The following PARN variants were observed in gnomAD, a reference collection of about 807,000 sequenced individuals.
The protein encoded by PARN is poly(A)-specific ribonuclease, also known as poly(A)-specific ribonuclease PARN.
PARN carries 71 observed loss-of-function variants against 102.8 expected under a neutral mutation model. The ratio of observed to expected loss-of-function variants is 0.69; its 90% CI spans 0.57 to 0.84. PARN has a LOEUF of 0.84. PARN is among the 40% of genes least tolerant of loss of function. The pLI, the probability that PARN is intolerant of heterozygous loss-of-function variation, is 0.00. For synonymous variants in PARN, 261 were observed against 252.9 expected (o/e 1.03, Z -0.30); for missense variants, 782 against 760.9 (o/e 1.03, Z -0.33).
intron 21 of PARN, among the ~76,000 whole-genome samples, chr16:14,528,760 T>C (rs1966151117): frequency 6.6e-6 from 1 of 152,184 alleles, no homozygotes; most frequent in African/African-American, 2.4e-5. Context: ...AGCTAAGGAC[T>C]CAGGTTACAT....
chr16:14,601,495 C>A (rs772390019), intron 11 of PARN, among the ~76,000 whole-genome samples: 17 of 152,174 alleles, frequency 1.1e-4, no homozygotes, highest in Non-Finnish European at 2.1e-4. Flanking sequence ...TTCGGTTTTG[C>A]AAGATGAAGA....
At chr16:14,551,041 C>A (rs1010107185) in intron 21 of PARN, among the ~76,000 whole-genome samples, 2 of 151,652 alleles carry the variant, frequency 1.3e-5, no homozygotes, top group African/African-American at 2.4e-5. Context: ...TGGCTCACTG[C>A]AACCTCTGCC....
chr16:14,622,488 A>C (rs2151816105), intron 5 of PARN, among the ~76,000 whole-genome samples: 1 of 152,356 alleles, frequency 6.6e-6, no homozygotes, highest in South Asian at 2.1e-4. Context: ...CGAGTTGCAT[A>C]AAATGTGAAA....
intron 21 of PARN, among the ~76,000 whole-genome samples, chr16:14,515,302 G>A (rs142552184): frequency 1.9e-3 from 296 of 152,202 alleles, no homozygotes; most frequent in Non-Finnish European, 3.5e-3. Context: ...CAGATGTCCC[G>A]AATATAAACA....
intron 22 of PARN, among the ~76,000 whole-genome samples, chr16:14,453,169 G>A (rs545720124): frequency 1.3e-5 from 2 of 152,336 alleles, no homozygotes; most frequent in Non-Finnish European, 2.9e-5. Flanking sequence ...TAAATCCACT[G>A]TAAGAAGTGG....
At chr16:14,617,254 G>C (rs1325091668) in intron 6 of PARN, among the ~76,000 whole-genome samples, 2 of 151,190 alleles carry the variant, frequency 1.3e-5, no homozygotes, top group Non-Finnish European at 3.0e-5. Flanking sequence ...CGTGGTGGCG[G>C]GCACCTGTAG....
Position 14,508,347 on chromosome 16 carries a change from G to A in PARN, c.1481-25520C>T, listed in dbSNP as rs533235783. ...GAATTGAAGACCAGCCTGGGCAGTA[G>A]AGTGAGACCCCCTCATCTCTACACC... On this transcript the variant is annotated intron_variant, in intron 21 of 23. Transcript: ENST00000437198. 8.6e-5 allele frequency among the ~76,000 whole-genome samples: 13 copies of A among 150,318 alleles called. No individual in the cohort carries two copies. The South Asian group carries it at 2.8e-3, about 32-fold the overall frequency.
chr16:14,507,310 G>C (rs1014651076), intron 21 of PARN, among the ~76,000 whole-genome samples: 1 of 151,432 alleles, frequency 6.6e-6, no homozygotes, highest in African/African-American at 2.4e-5. Context: ...TGGGCAACAA[G>C]AGGGAAATTC....
At chr16:14,523,610 T>C (rs1304559071) in intron 21 of PARN, among the ~76,000 whole-genome samples, 3 of 152,096 alleles carry the variant, frequency 2.0e-5, no homozygotes, top group Admixed American at 6.5e-5. Context: ...ATACTGTACA[T>C]ACGTAGAGAT....
intron 22 of PARN, among the ~76,000 whole-genome samples, chr16:14,462,568 T>G (rs1302234885): frequency 6.6e-6 from 1 of 152,010 alleles, no homozygotes; most frequent in African/African-American, 2.4e-5. Flanking sequence ...CCAAGGCCCA[T>G]TACTGTGGAA....
chr16:14,440,638 T>C (rs761401359), intron 23 of PARN, among the ~76,000 whole-genome samples: 40 of 152,216 alleles, frequency 2.6e-4, no homozygotes, highest in Admixed American at 9.2e-4. Flanking sequence ...TAAATAGTGA[T>C]ACCTGTATAC....
At chr16:14,563,759 G>A (rs8062293) in intron 18 of PARN, among the ~76,000 whole-genome samples, 27,103 of 150,594 alleles carry the variant, frequency 0.18, 2,826 homozygotes, top group Middle Eastern at 0.29. Context: ...CAGCAAATGA[G>A]GAACACTGAT....
intron 18 of PARN, among the ~76,000 whole-genome samples, chr16:14,579,591 C>T (rs1969378845): frequency 6.6e-6 from 1 of 151,946 alleles, no homozygotes; most frequent in African/African-American, 2.4e-5. Flanking sequence ...AATAATAATA[C>T]AAATGAGTCA....
chr16:14,477,840 G>C (rs752537972), intron 22 of PARN, among the ~76,000 whole-genome samples: 1 of 151,512 alleles, frequency 6.6e-6, no homozygotes, highest in Non-Finnish European at 1.5e-5. Context: ...GGAAGGGAAG[G>C]GAAGGGAAGA....
chr16:14,459,035 A>T (rs1047079729), intron 22 of PARN, among the ~76,000 whole-genome samples: 1 of 152,188 alleles, frequency 6.6e-6, no homozygotes, highest in Non-Finnish European at 1.5e-5. Flanking sequence ...CAATCTCTAA[A>T]AAAAACTGAA....
chr16:14,555,239 TAAAAC>T (rs955962017), intron 19 of PARN, among the ~76,000 whole-genome samples: 8 of 151,930 alleles, frequency 5.3e-5, no homozygotes, highest in East Asian at 1.9e-4. Flanking sequence ...GTTTTTTAAA[TAAAAC>T]AAAACAAAAC....
At chr16:14,604,117 C>T (rs1466114706) in intron 11 of PARN, 29 bp downstream of exon 11, 3 of 1,335,076 alleles carry the variant, frequency 2.2e-6, no homozygotes, top group South Asian at 2.5e-5. Flanking sequence ...CCATTTCTCA[C>T]CCCCCAAGAA....
At chr16:14,592,459 G>A (rs1180840395) in intron 13 of PARN, among the ~76,000 whole-genome samples, 4 of 152,184 alleles carry the variant, frequency 2.6e-5, no homozygotes, top group Admixed American at 6.6e-5. Flanking sequence ...GCAGAGTGGC[G>A]AGGGACAAGT....
At chr16:14,597,626 G>A (rs1480525119) in intron 12 of PARN, among the ~76,000 whole-genome samples, 2 of 152,106 alleles carry the variant, frequency 1.3e-5, no homozygotes, top group African/African-American at 2.4e-5. Context: ...GAACCCAGGA[G>A]GCAGAGCTTG....
Sources: allele counts gnomAD v4.1 joint callset (sites outside exome capture counted in the v4.1 genomes callset), GRCh38; gene constraint gnomAD v4.1.1; transcripts MANE v1.5; gene names NCBI Gene and HGNC (gene_info 2026-07-23, HGNC 2026-07-21).